AEBP2: variants seen among roughly 807,000 people sequenced by gnomAD.
The protein encoded by AEBP2 is AE binding protein 2.
AEBP2 carries 10 observed loss-of-function variants against 50.8 expected under a neutral mutation model. That is an observed-to-expected ratio of 0.20 (90% confidence interval 0.12 to 0.33). The LOEUF (loss-of-function observed/expected upper bound fraction) is 0.33, where lower values mean the gene tolerates loss of function less well. Among genes scored for constraint, AEBP2 ranks in the 10% least tolerant of loss-of-function variants. The pLI is 1.00. For missense variants in AEBP2, 570 were observed against 688.0 expected (o/e 0.83, Z 1.92); for synonymous variants, 296 against 261.3 (o/e 1.13, Z -1.28).
At position 19,473,995 on chromosome 12, in the gene AEBP2, G is replaced by A. The variant is rs931942947; in HGVS notation, c.987+640G>A. On this transcript the variant is annotated intron_variant, in intron 3 of 7. Transcript: ENST00000266508. ...TGTGGTCTGATTATGTTTTCTTATT[G>A]TTAAAGGTTTCGGCATTTTCATTAG... Among the ~76,000 whole-genome samples the A allele has an allele frequency of 4.6e-5, 7 of 151,952 alleles. No homozygotes were observed. In the East Asian group the frequency reaches 1.4e-3, roughly 29 times the overall value.
At chr12:19,453,974 T>C (rs1565710448) in intron 1 of AEBP2, among the ~76,000 whole-genome samples, 1 of 151,958 alleles carries the variant, frequency 6.6e-6, no homozygotes, top group African/African-American at 2.4e-5. Flanking sequence ...CCAGTTTATG[T>C]CTTTATTCTG....
intron 1 of AEBP2, among the ~76,000 whole-genome samples, chr12:19,412,094 C>T (rs777818466): frequency 7.9e-5 from 12 of 152,222 alleles, no homozygotes; most frequent in Non-Finnish European, 1.6e-4. Context: ...TCTGCAGCTG[C>T]TCTCAGCAGG....
intron 1 of AEBP2, among the ~76,000 whole-genome samples, chr12:19,460,954 T>C (rs1948364201): frequency 1.3e-5 from 2 of 152,170 alleles, no homozygotes; most frequent in Admixed American, 6.5e-5. Flanking sequence ...GTGCCCGGCC[T>C]GAATGTTCTT....
At chr12:19,506,942 A>G (rs567966540) in intron 5 of AEBP2, among the ~76,000 whole-genome samples, 1 of 152,148 alleles carries the variant, frequency 6.6e-6, no homozygotes, top group South Asian at 2.1e-4. Flanking sequence ...CTCTCAGGCA[A>G]GCAGATTGGG....
chr12:19,412,870 C>T (rs1014237969), intron 1 of AEBP2, among the ~76,000 whole-genome samples: 14 of 152,328 alleles, frequency 9.2e-5, no homozygotes, highest in African/African-American at 2.9e-4. Context: ...GCTCTGGGTG[C>T]CTCCCCGGGG....
chr12:19,457,519 T>C (rs1248085470), intron 1 of AEBP2: 36 of 1,484,788 alleles, frequency 2.4e-5, no homozygotes, highest in Non-Finnish European at 2.7e-5. Flanking sequence ...GCAGCCTCCT[T>C]CTCAATTTTT....
intron 2 of AEBP2, among the ~76,000 whole-genome samples, chr12:19,465,473 T>G (rs1375794968): frequency 6.6e-6 from 1 of 152,164 alleles, no homozygotes; most frequent in African/African-American, 2.4e-5. Context: ...GGACATTATT[T>G]GCTAAACTAT....
intron 1 of AEBP2, 57 bp downstream of exon 1, chr12:19,440,427 C>T: frequency 6.9e-7 from 1 of 1,449,210 alleles, no homozygotes; most frequent in East Asian, 2.4e-5. Context: ...CCGGGCCCCT[C>T]AGAGGGGGAC....
chr12:19,506,349 C>T (rs1949156092), intron 5 of AEBP2, among the ~76,000 whole-genome samples: 2 of 152,010 alleles, frequency 1.3e-5, no homozygotes, highest in African/African-American at 2.4e-5. Context: ...ATCCACTCAC[C>T]TTGGCCTCCC....
intron 3 of AEBP2, among the ~76,000 whole-genome samples, chr12:19,486,776 A>G (rs1333179070): frequency 6.6e-6 from 1 of 151,932 alleles, no homozygotes; most frequent in East Asian, 1.9e-4. Context: ...ACTATATGAT[A>G]TCTTAATACT....
chr12:19,486,748 A>G (rs143659882), intron 3 of AEBP2, among the ~76,000 whole-genome samples: 8 of 151,832 alleles, frequency 5.3e-5, no homozygotes, highest in African/African-American at 1.9e-4. Context: ...AATTACACAC[A>G]CATATTCATT....
At chr12:19,455,107 C>T (rs1364811762) in intron 1 of AEBP2, among the ~76,000 whole-genome samples, 1 of 151,674 alleles carries the variant, frequency 6.6e-6, no homozygotes, top group Non-Finnish European at 1.5e-5. Flanking sequence ...GCAATCCTCA[C>T]CTTAGCCTCC....
upstream of AEBP2, among the ~76,000 whole-genome samples, chr12:19,439,191 G>C (rs1947893519): frequency 6.6e-6 from 1 of 152,156 alleles, no homozygotes; most frequent in African/African-American, 2.4e-5. Flanking sequence ...TTCTATTCCT[G>C]GCTCAGCTCC....
At chr12:19,478,239 T>TA (rs1346501058) in intron 3 of AEBP2, among the ~76,000 whole-genome samples, 12 of 152,206 alleles carry the variant, frequency 7.9e-5, no homozygotes, top group African/African-American at 2.9e-4. Context: ...TGTTTGTTCT[T>TA]TCTTGTTTCT....
intron 1 of AEBP2, among the ~76,000 whole-genome samples, chr12:19,458,681 A>G (rs1159187376): frequency 1.3e-5 from 2 of 152,318 alleles, no homozygotes; most frequent in African/African-American, 2.4e-5. Flanking sequence ...GACAGATTCC[A>G]TAATGATGTT....
intron 1 of AEBP2, among the ~76,000 whole-genome samples, chr12:19,415,489 C>T (rs1471380715): frequency 6.7e-6 from 1 of 150,282 alleles, no homozygotes; most frequent in Non-Finnish European, 1.5e-5. Flanking sequence ...CTTTGTAATT[C>T]ACCTACTAAA....
intron 3 of AEBP2, among the ~76,000 whole-genome samples, chr12:19,475,672 T>C (rs1194692960): frequency 6.6e-6 from 1 of 152,150 alleles, no homozygotes; most frequent in Non-Finnish European, 1.5e-5. Context: ...GAAATCTCTG[T>C]ACGGTTTTCT....
intron 2 of AEBP2, among the ~76,000 whole-genome samples, 182 bp downstream of exon 2, chr12:19,462,899 A>T (rs772019926): frequency 9.2e-5 from 14 of 152,184 alleles, no homozygotes. Context: ...AAAATAGGGT[A>T]TGTGCTGGAT....
intron 1 of AEBP2, among the ~76,000 whole-genome samples, chr12:19,447,069 T>C (rs554162804): frequency 1.9e-4 from 29 of 152,334 alleles, no homozygotes; most frequent in Admixed American, 1.4e-3. Context: ...ACTGAAAACA[T>C]GTAGGCAGGA....
Sources: gnomAD v4.1 joint callset for allele counts (sites outside exome capture counted in the v4.1 genomes callset) on GRCh38, gnomAD v4.1.1 for gene constraint, MANE v1.5 for transcripts, NCBI Gene and HGNC (gene_info 2026-07-23, HGNC 2026-07-21) for gene names.